The following FAT3 variants were observed in gnomAD, a reference collection of about 807,000 sequenced individuals.
The protein encoded by FAT3 is FAT atypical cadherin 3, also known as protocadherin Fat 3.
A neutral mutation model predicts 310.2 loss-of-function variants in FAT3; 95 were observed. The ratio of observed to expected loss-of-function variants is 0.31; its 90% CI spans 0.26 to 0.36. The LOEUF is 0.36. FAT3 is among the 10% of genes least tolerant of loss of function. FAT3 has a pLI of 1.00. For missense variants in FAT3, 5,408 were observed against 5,715.6 expected (o/e 0.95, Z 1.74); for synonymous variants, 2,314 against 2,192.9 (o/e 1.06, Z -1.54).
chr11:92,620,486 G>A (rs1217858278), intron 3 of FAT3, among the ~76,000 whole-genome samples: 2 of 152,110 alleles, frequency 1.3e-5, no homozygotes, highest in East Asian at 1.9e-4. Context: ...GCTGATTTAA[G>A]CCCTGTGCTT....
At chr11:92,676,913 G>T (rs1471262698) in intron 3 of FAT3, among the ~76,000 whole-genome samples, 1 of 152,202 alleles carries the variant, frequency 6.6e-6, no homozygotes, top group African/African-American at 2.4e-5. Context: ...CAGTGCAAAG[G>T]AGAGTTAGAA....
rs781486958 is a variant in FAT3, at chr11:92,844,679, G to A, written c.11312G>A (p.Arg3771His). 9.4e-6 allele frequency: 15 copies of A among 1,592,110 alleles called. No individual in the cohort carries two copies. The highest frequency in any genetic ancestry group is 4.5e-5 in the East Asian group (2 of 44,194). The change falls in exon 19 of 28, where the codon CGC (arginine) becomes CAC (histidine). Residue 3771 changes from arginine (R) to histidine (H), a missense_variant. By Grantham distance (29) the Arg-to-His change is conservative. Transcript: ENST00000525166. Reference protein sequence around the residue: ...SHALMTYSTARISFVCPRFYR... With the variant: ...SHALMTYSTAHISFVCPRFYR... ...GCGCTCATGACCTACAGCACGGCTC[G>A]CATCAGCTTTGTGTGTCCGCGTTTC...
chr11:92,313,543 C>G (rs1400970124), intron 1 of FAT3, among the ~76,000 whole-genome samples: 2 of 151,970 alleles, frequency 1.3e-5, no homozygotes, highest in Non-Finnish European at 1.5e-5. Context: ...GTACCTCAAA[C>G]CCATTTTTTG....
chr11:92,293,514 A>T (rs931517733), intron 1 of FAT3, among the ~76,000 whole-genome samples: 9 of 16,764 alleles, frequency 5.4e-4, no homozygotes, highest in Admixed American at 1.1e-3. Flanking sequence ...ACCTCAGATT[A>T]TATATATATA....
chr11:92,610,796 G>T (rs1940527069), intron 3 of FAT3, among the ~76,000 whole-genome samples: 1 of 152,118 alleles, frequency 6.6e-6, no homozygotes, highest in Admixed American at 6.5e-5. Context: ...TGTTCATCCT[G>T]CTCACTTACA....
At chr11:92,674,182 A>AAATAATAATAATAAT (rs550101493) in intron 3 of FAT3, among the ~76,000 whole-genome samples, 16 of 140,948 alleles carry the variant, frequency 1.1e-4, no homozygotes, top group Non-Finnish European at 2.0e-4. Context: ...CTCCATCTCA[A>AAATAATAATAATAAT]AATAATAATA....
In FAT3 at chr11:92,354,593, T is replaced by C; in HGVS notation, c.2481T>C (p.Asn827=). 1 of 1,613,798 alleles carries C rather than the reference T, an allele frequency of 6.2e-7. No homozygotes were observed. The highest frequency in any genetic ancestry group is 8.5e-7 in the Non-Finnish European group (1 of 1,179,844). ...LTINVEDAND[N]SPVFIQDSYS... ...TCAATGTGGAGGATGCTAATGACAA[T>C]AGCCCAGTTTTTATTCAAGACAGTT... is the stretch of plus-strand genomic sequence containing the variant. Residue 827 remains asparagine (N), a synonymous_variant, in exon 2 of 28, where the codon AAT becomes AAC. Coordinates refer to ENST00000525166, the MANE Select transcript of FAT3 (RefSeq NM_001367949.2).
chr11:92,867,278 T>A, intron 22 of FAT3, 69 bp downstream of exon 22: 1 of 1,387,344 alleles, frequency 7.2e-7, no homozygotes, highest in Non-Finnish European at 9.6e-7. Flanking sequence ...TGCAGGGGGA[T>A]CCCTGCCCTC....
intron 2 of FAT3, among the ~76,000 whole-genome samples, chr11:92,414,370 A>G (rs1026917031): frequency 2.0e-5 from 3 of 152,066 alleles, no homozygotes; most frequent in Non-Finnish European, 2.9e-5. Flanking sequence ...AAAATACCCC[A>G]CGGATTTGGT....
At chr11:92,781,703 C>G (rs971550117) in intron 7 of FAT3, among the ~76,000 whole-genome samples, 3 of 152,184 alleles carry the variant, frequency 2.0e-5, no homozygotes, top group Non-Finnish European at 4.4e-5. Context: ...AGTTCAGTCA[C>G]TTTGAGACTC....
intron 3 of FAT3, among the ~76,000 whole-genome samples, chr11:92,568,975 A>G (rs1245280816): frequency 6.6e-6 from 1 of 152,134 alleles, no homozygotes; most frequent in Non-Finnish European, 1.5e-5. Context: ...ACCTGTCCTC[A>G]TGAAAACGAA....
chr11:92,260,939 C>T (rs758794717), intron 1 of FAT3, among the ~76,000 whole-genome samples: 16 of 152,026 alleles, frequency 1.1e-4, no homozygotes, highest in East Asian at 1.9e-4. Context: ...GCTTTTTGTC[C>T]GCAGATGTTA....
intron 3 of FAT3, among the ~76,000 whole-genome samples, chr11:92,647,719 A>C (rs976615380): frequency 6.6e-6 from 1 of 152,150 alleles, no homozygotes; most frequent in Non-Finnish European, 1.5e-5. Flanking sequence ...CCAATAAACT[A>C]TCAATTAAAT....
At chr11:92,854,434 C>T (rs925105202) in intron 19 of FAT3, among the ~76,000 whole-genome samples, 8 of 152,136 alleles carry the variant, frequency 5.3e-5, no homozygotes, top group Non-Finnish European at 7.4e-5. Flanking sequence ...CCACCAGCCC[C>T]GTGGAGCATG....
intron 2 of FAT3, among the ~76,000 whole-genome samples, chr11:92,480,667 G>A (rs1952198081): frequency 1.3e-5 from 2 of 152,178 alleles, no homozygotes; most frequent in Admixed American, 6.5e-5. Flanking sequence ...AGATCAGAGA[G>A]GCTCCAGGGT....
intron 21 of FAT3, among the ~76,000 whole-genome samples, chr11:92,863,006 T>G (rs551748388): frequency 6.6e-6 from 1 of 152,302 alleles, no homozygotes; most frequent in Non-Finnish European, 1.5e-5. Flanking sequence ...AAGAAGAAAT[T>G]CAGAGGGCTG....
chr11:92,617,326 A>G (rs557806213), intron 3 of FAT3, among the ~76,000 whole-genome samples: 7 of 152,214 alleles, frequency 4.6e-5, no homozygotes, highest in Admixed American at 2.6e-4. Context: ...TTTCAGCTCC[A>G]TCTGGTCATT....
intron 2 of FAT3, among the ~76,000 whole-genome samples, chr11:92,492,398 T>C (rs1366509681): frequency 6.6e-6 from 1 of 152,052 alleles, no homozygotes; most frequent in African/African-American, 2.4e-5. Flanking sequence ...CTCTCTAAGA[T>C]GCAATTTCCA....
chr11:92,752,810 C>T (rs1234881993), intron 4 of FAT3, among the ~76,000 whole-genome samples: 4 of 152,126 alleles, frequency 2.6e-5, no homozygotes, highest in African/African-American at 9.7e-5. Context: ...AGGGGCTTTG[C>T]ACAGTTCTGA....
Sources: allele counts gnomAD v4.1 joint callset (sites outside exome capture counted in the v4.1 genomes callset), GRCh38; gene constraint gnomAD v4.1.1; transcripts MANE v1.5; gene names NCBI Gene and HGNC (gene_info 2026-07-23, HGNC 2026-07-21).